NDNF: variants seen among roughly 807,000 people sequenced by gnomAD.
NDNF encodes neuron derived neurotrophic factor, also known as protein NDNF.
In NDNF, 16 loss-of-function variants were observed where a neutral mutation model predicts 42.0. That is an observed-to-expected ratio of 0.38 (90% CI 0.26 to 0.58). The LOEUF is 0.58. Ranked by LOEUF, NDNF falls within the 20% of genes least tolerant of loss-of-function variation. The pLI is 0.67. For synonymous variants in NDNF, 248 were observed against 251.7 expected, an observed-to-expected ratio of 0.99 and a Z score of 0.14; for missense variants, 616 against 666.2, an observed-to-expected ratio of 0.92 and a Z score of 0.83.
intron 1 of NDNF, among the ~76,000 whole-genome samples, chr4:121,057,816 T>C (rs1727323783): frequency 6.6e-6 from 1 of 152,146 alleles, no homozygotes; most frequent in African/African-American, 2.4e-5. Flanking sequence ...AAATTCTTAA[T>C]AGGATTGCGA....
rs770822561 is a variant in NDNF at position 121,036,619 on chromosome 4, G to C, written c.1352C>G (p.Thr451Arg). Residue 451 changes from threonine (T) to arginine (R), a missense_variant, in exon 4 of 4, where the codon ACA (threonine) becomes AGA (arginine). Transcript: ENST00000379692. ...KQSFPSLPEDTRIKAFDKLRT... is the reference protein window; with the variant it reads ...KQSFPSLPEDRRIKAFDKLRT... ...GAGCTTGTCAAAGGCTTTGATTCTT[G>C]TGTCTTCAGGAAGAGAGGGAAATGA... 5.6e-6 allele frequency: 9 copies of C among 1,614,156 alleles called. No homozygotes were observed. The East Asian group carries it at 1.8e-4, about 32-fold the overall frequency.
intron 1 of NDNF, chr4:121,071,561 C>A (rs970264294): frequency 6.6e-6 from 1 of 152,168 alleles, no homozygotes; most frequent in Admixed American, 6.6e-5. Context: ...AGGCAACAGC[C>A]CTCTTGGCAG....
intron 1 of NDNF, among the ~76,000 whole-genome samples, chr4:121,055,860 G>C (rs1220825045): frequency 5.3e-5 from 8 of 152,062 alleles, no homozygotes. Context: ...TAAATTTTAA[G>C]TGAAGGGATG....
chr4:121,041,757 T>C (rs1284370599), intron 2 of NDNF, among the ~76,000 whole-genome samples: 1 of 152,140 alleles, frequency 6.6e-6, no homozygotes, highest in Non-Finnish European at 1.5e-5. Flanking sequence ...TCTTTGAGAC[T>C]AAAGAAAAAG....
At chr4:121,046,875 T>C (rs376923702) in intron 1 of NDNF, among the ~76,000 whole-genome samples, 107 of 152,302 alleles carry the variant, frequency 7.0e-4, no homozygotes, top group South Asian at 6.6e-3. Context: ...ACAGGTCTCA[T>C]GAAAAAACTT....
At chr4:121,054,100 T>C (rs1215711557) in intron 1 of NDNF, among the ~76,000 whole-genome samples, 1 of 152,202 alleles carries the variant, frequency 6.6e-6, no homozygotes. Context: ...AAGTTAACTC[T>C]TCAGTAAGTC....
Position 121,072,284 on chromosome 4 carries a change from C to G in NDNF, c.-293G>C, listed in dbSNP as rs1326185004. The stretch of plus-strand genomic sequence containing the variant: ...AGGGAGCCGCGCGGGGCTGGGGAAT[C>G]CCGGGGCAGCGCCGAGAAGCGGCGG... On this transcript the variant is annotated 5_prime_UTR_variant, in exon 1 of 4. Coordinates refer to ENST00000379692, the MANE Select transcript of NDNF (RefSeq NM_024574.4). 1 of 151,898 alleles carries G rather than the reference C, an allele frequency of 6.6e-6. No homozygotes were observed. The highest frequency in any genetic ancestry group is 1.5e-5 in the Non-Finnish European group (1 of 68,136). 9.4% of individuals were successfully genotyped at this position (151,898 alleles called of 1,614,324 possible).
chr4:121,045,874 C>T (rs988328087), intron 1 of NDNF, 36 bp from the exon 2 acceptor site: 1 of 1,585,420 alleles, frequency 6.3e-7, no homozygotes, highest in Non-Finnish European at 8.6e-7. Flanking sequence ...ATTAGTTCTG[C>T]AGGCAGACAC....
chr4:121,039,174 GACTATGTGTGTGTGTGTGTATATATA>G (rs1726940086), intron 3 of NDNF, among the ~76,000 whole-genome samples: 4 of 12,756 alleles, frequency 3.1e-4, no homozygotes, highest in East Asian at 0.012. Flanking sequence ...TATATATAAA[GACTATGTGTGTGTGTGTGTATATATA>G]TATATATATA....
intron 1 of NDNF, among the ~76,000 whole-genome samples, chr4:121,060,926 T>A (rs973037899): frequency 3.9e-5 from 6 of 152,150 alleles, no homozygotes; most frequent in Non-Finnish European, 8.8e-5. Flanking sequence ...TAGTAATTTT[T>A]AAAAACTGTA....
intron 1 of NDNF, among the ~76,000 whole-genome samples, chr4:121,048,657 G>A (rs1727135034): frequency 6.6e-6 from 1 of 152,162 alleles, no homozygotes; most frequent in South Asian, 2.1e-4. Flanking sequence ...GGCCAACATG[G>A]CAAAACCCCG....
intron 1 of NDNF, among the ~76,000 whole-genome samples, chr4:121,052,117 G>A (rs1324437993): frequency 6.6e-6 from 1 of 152,120 alleles, no homozygotes; most frequent in African/African-American, 2.4e-5. Flanking sequence ...TCACCAACAA[G>A]TTCTTTGCAG....
chr4:121,036,283 T>A lies in NDNF; in HGVS notation c.1688A>T (p.Lys563Ile). 6.2e-7 allele frequency: 1 copy of A among 1,601,014 alleles called. No homozygotes were observed. The highest frequency in any genetic ancestry group is 8.5e-7 in the Non-Finnish European group (1 of 1,176,312). The change falls in exon 4 of 4, where the codon AAA becomes ATA. Residue 563 changes from lysine to isoleucine, a missense_variant. By Grantham distance (102) the Lys-to-Ile change is moderately radical. Coordinates refer to ENST00000379692, the MANE Select transcript of NDNF (RefSeq NM_024574.4). ...HSVKYQSKVVKTRKFC is the reference protein window; with the variant it reads ...HSVKYQSKVVITRKFC ...AGGTAACTAACAGAACTTTCTAGTT[T>A]TCACAACCTTACTCTGATACTTTAC...
intron 1 of NDNF, among the ~76,000 whole-genome samples, chr4:121,062,421 A>G (rs1419093175): frequency 1.3e-5 from 2 of 152,234 alleles, no homozygotes; most frequent in African/African-American, 4.8e-5. Context: ...ACTGAGGATC[A>G]GGATCAGTTC....
chr4:121,070,006 G>C (rs936481995), intron 1 of NDNF, among the ~76,000 whole-genome samples: 1 of 152,156 alleles, frequency 6.6e-6, no homozygotes, highest in African/African-American at 2.4e-5. Context: ...TTTTATAAGA[G>C]TGCAACCTTC....
chr4:121,057,451 G>T (rs1313232814), intron 1 of NDNF, among the ~76,000 whole-genome samples: 1 of 152,126 alleles, frequency 6.6e-6, no homozygotes, highest in Non-Finnish European at 1.5e-5. Context: ...CACTAAGAGG[G>T]ACACGCTGCC....
At chr4:121,048,770 G>A (rs944522063) in intron 1 of NDNF, among the ~76,000 whole-genome samples, 4 of 152,098 alleles carry the variant, frequency 2.6e-5, no homozygotes, top group Admixed American at 6.5e-5. Flanking sequence ...CCCAGGCAGC[G>A]GAGGTTGTAG....
At chr4:121,064,806 AG>A (rs1727472110) in intron 1 of NDNF, among the ~76,000 whole-genome samples, 1 of 152,114 alleles carries the variant, frequency 6.6e-6, no homozygotes, top group African/African-American at 2.4e-5. Flanking sequence ...AATACTTAAA[AG>A]CTCTCTACAC....
At chr4:121,046,652 G>A (rs1466408179) in intron 1 of NDNF, among the ~76,000 whole-genome samples, 1 of 152,170 alleles carries the variant, frequency 6.6e-6, no homozygotes, top group African/African-American at 2.4e-5. Flanking sequence ...CCAGAAAGGT[G>A]TATATTTAGA....
Sources: gnomAD v4.1 joint callset for allele counts (sites outside exome capture counted in the v4.1 genomes callset) on GRCh38, gnomAD v4.1.1 for gene constraint, MANE v1.5 for transcripts, NCBI Gene and HGNC (gene_info 2026-07-23, HGNC 2026-07-21) for gene names.